The following NUDT9 variants were observed in gnomAD, a reference collection of about 807,000 sequenced individuals.
The protein encoded by NUDT9 is nudix hydrolase 9, also known as ADP-ribose pyrophosphatase.
NUDT9 carries 31 observed loss-of-function variants against 41.0 expected under a neutral mutation model. The observed-to-expected ratio is 0.76, with a 90% CI of 0.57 to 1.02. The LOEUF is 1.02. Ranked by LOEUF, NUDT9 falls within the 50% of genes least tolerant of loss-of-function variation. The pLI is 0.00. For missense variants in NUDT9, 380 were observed against 431.4 expected, an observed-to-expected ratio of 0.88 and a Z score of 1.06; for synonymous variants, 146 against 147.6, an observed-to-expected ratio of 0.99 and a Z score of 0.08.
At chr4:87,435,244 C>T in intron 2 of NUDT9, 24 bp downstream of exon 2, 1 of 1,586,492 alleles carries the variant, frequency 6.3e-7, no homozygotes, top group Non-Finnish European at 8.6e-7. Context: ...ACAGCGTTAG[C>T]TGGGAATAAG....
At chr4:87,436,161 T>A (rs1721925176) in intron 2 of NUDT9, among the ~76,000 whole-genome samples, 1 of 151,754 alleles carries the variant, frequency 6.6e-6, no homozygotes, top group South Asian at 2.1e-4. Flanking sequence ...ACTTGGCTAA[T>A]TTTATTTTAT....
chr4:87,443,547 A>G (rs1722309498), intron 4 of NUDT9, among the ~76,000 whole-genome samples: 1 of 152,236 alleles, frequency 6.6e-6, no homozygotes, highest in African/African-American at 2.4e-5. Context: ...GCAAGATGGA[A>G]AATGTGAAGT....
chr4:87,435,951 G>A (rs1186151338), intron 2 of NUDT9, among the ~76,000 whole-genome samples: 1 of 152,114 alleles, frequency 6.6e-6, no homozygotes, highest in Non-Finnish European at 1.5e-5. Context: ...AGTGAGAAGA[G>A]TTGAGATCCA....
intron 2 of NUDT9, among the ~76,000 whole-genome samples, chr4:87,437,714 C>T (rs1722016565): frequency 6.6e-6 from 1 of 152,134 alleles, no homozygotes; most frequent in Non-Finnish European, 1.5e-5. Flanking sequence ...CTCTGTAAAC[C>T]ACTGCCCAGA....
intron 3 of NUDT9, among the ~76,000 whole-genome samples, chr4:87,439,659 A>C (rs1393075977): frequency 6.6e-6 from 1 of 151,994 alleles, no homozygotes; most frequent in Non-Finnish European, 1.5e-5. Flanking sequence ...CCATCTCAAA[A>C]AAACAAACAA....
At chr4:87,446,247 CTTTTTTTTT>C (rs386400738) in intron 4 of NUDT9, among the ~76,000 whole-genome samples, 3 of 124,234 alleles carry the variant, frequency 2.4e-5, no homozygotes, top group African/African-American at 9.2e-5. Context: ...CTTATCTTTC[CTTTTTTTTT>C]TTTTTTTTTT....
chr4:87,425,991 G>C (rs1721399260), intron 1 of NUDT9, among the ~76,000 whole-genome samples: 1 of 151,886 alleles, frequency 6.6e-6, no homozygotes, highest in South Asian at 2.1e-4. Context: ...TTTATTTATT[G>C]TTTGTAGAGA....
At chr4:87,439,520 G>A (rs1159912511) in intron 3 of NUDT9, among the ~76,000 whole-genome samples, 5 of 152,030 alleles carry the variant, frequency 3.3e-5, no homozygotes, top group Admixed American at 2.0e-4. Flanking sequence ...GCTGGGCTTG[G>A]TGGCGGGTAC....
intron 1 of NUDT9, among the ~76,000 whole-genome samples, chr4:87,428,591 A>G (rs1388355025): frequency 6.6e-6 from 1 of 152,188 alleles, no homozygotes; most frequent in Non-Finnish European, 1.5e-5. Flanking sequence ...AAAGACATGG[A>G]GGAATCTTAA....
intron 4 of NUDT9, among the ~76,000 whole-genome samples, chr4:87,443,302 A>G (rs1246378969): frequency 6.6e-6 from 1 of 152,220 alleles, no homozygotes; most frequent in African/African-American, 2.4e-5. Flanking sequence ...ATGCAGATGT[A>G]TATATAATTG....
At chr4:87,457,702 T>A in intron 7 of NUDT9, 141 bp from the exon 8 acceptor site, 1 of 678,870 alleles carries the variant, frequency 1.5e-6, no homozygotes, top group Non-Finnish European at 2.4e-6. Flanking sequence ...TGACCAGGGA[T>A]GGAATGGTCT....
intron 4 of NUDT9, among the ~76,000 whole-genome samples, chr4:87,444,670 G>A (rs900353067): frequency 2.6e-5 from 4 of 152,208 alleles, no homozygotes; most frequent in Admixed American, 6.5e-5. Context: ...GGAAGCCAGA[G>A]TTTTGAAGGT....
chr4:87,454,476 C>T, intron 7 of NUDT9, 21 bp downstream of exon 7: 1 of 1,471,582 alleles, frequency 6.8e-7, no homozygotes, highest in South Asian at 1.1e-5. Flanking sequence ...ATTTATTAAA[C>T]TGGCTGGGAT....
chr4:87,449,086 G>A, intron 4 of NUDT9, 56 bp from the exon 5 acceptor site: 1 of 1,001,692 alleles, frequency 1.0e-6, no homozygotes, highest in East Asian at 2.4e-5. Context: ...TCAAGTTTGA[G>A]ATAGAACCTT....
rs569600601 is a variant in NUDT9 at position 87,433,948 on chromosome 4, G to A, written c.108-1033G>A. 4.6e-5 allele frequency among the ~76,000 whole-genome samples: 7 copies of A among 152,100 alleles called. No homozygotes were observed. In the East Asian group the frequency reaches 1.4e-3, roughly 29 times the overall value. On this transcript the variant is annotated intron_variant, in intron 1 of 7. Coordinates refer to ENST00000302174, the MANE Select transcript of NUDT9 (RefSeq NM_024047.5). ...ATTTTTCAATAATTTCTATTTTCCT[G>A]TTTTTCCTTTGAACCATTTTTGCCA...
rs372282488 is a variant in NUDT9, at chr4:87,457,840, C to A, written c.875-3C>A. ...TTGGTGATGGTTTTTCTTTGGCAAC[C>A]AGGTGAGATAATGGATAATCTTATG... On this transcript the variant is annotated splice_polypyrimidine_tract_variant and splice_region_variant and intron_variant, in intron 7 of 7. Coordinates refer to ENST00000302174, the MANE Select transcript of NUDT9 (RefSeq NM_024047.5). The A allele has an allele frequency of 6.1e-5, 98 of 1,606,300 alleles. No homozygotes were observed. The highest frequency in any genetic ancestry group is 7.9e-5 in the Non-Finnish European group (93 of 1,177,450).
At chr4:87,433,095 T>G (rs1275978256) in intron 1 of NUDT9, among the ~76,000 whole-genome samples, 1 of 152,216 alleles carries the variant, frequency 6.6e-6, no homozygotes, top group African/African-American at 2.4e-5. Context: ...TTTAAATGTT[T>G]GGTAGAATTT....
intron 1 of NUDT9, among the ~76,000 whole-genome samples, chr4:87,429,086 A>C (rs1310650273): frequency 6.6e-6 from 1 of 152,198 alleles, no homozygotes; most frequent in African/African-American, 2.4e-5. Context: ...TATACACCGA[A>C]GAGGGACCAG....
intron 1 of NUDT9, among the ~76,000 whole-genome samples, chr4:87,428,789 A>G (rs1434666280): frequency 2.6e-5 from 4 of 152,140 alleles, no homozygotes; most frequent in Non-Finnish European, 5.9e-5. Flanking sequence ...AAGATAAGAG[A>G]TATCCTGTAT....
Sources: allele counts gnomAD v4.1 joint callset (sites outside exome capture counted in the v4.1 genomes callset), GRCh38; gene constraint gnomAD v4.1.1; transcripts MANE v1.5; gene names NCBI Gene and HGNC (gene_info 2026-07-23, HGNC 2026-07-21).